NDUFAF2: variants seen among roughly 807,000 people sequenced by gnomAD.
NDUFAF2 encodes NADH dehydrogenase [ubiquinone] 1 alpha subcomplex assembly factor 2.
In NDUFAF2, 13 loss-of-function variants were observed where a neutral mutation model predicts 22.8. The ratio of observed to expected loss-of-function variants is 0.57; its 90% CI spans 0.37 to 0.91. The LOEUF is 0.91. Among genes scored for constraint, NDUFAF2 ranks in the 40% least tolerant of loss-of-function variants. NDUFAF2 has a pLI of 0.01. For missense variants in NDUFAF2, 162 were observed against 195.2 expected, an observed-to-expected ratio of 0.83 and a Z score of 1.01; for synonymous variants, 53 against 64.2, an observed-to-expected ratio of 0.83 and a Z score of 0.84.
intron 1 of NDUFAF2, among the ~76,000 whole-genome samples, chr5:61,056,919 A>AATATATATATATATATATATAT (rs1174310851): frequency 2.8e-4 from 8 of 28,796 alleles, no homozygotes; most frequent in African/African-American, 6.3e-4. Context: ...AAAAAAAAAA[A>AATATATATATATATATATATAT]ATATATATAT....
At chr5:61,019,299 C>T (rs1384853761) in intron 1 of NDUFAF2, among the ~76,000 whole-genome samples, 1 of 151,888 alleles carries the variant, frequency 6.6e-6, no homozygotes, top group Admixed American at 6.6e-5. Context: ...GGCAAGTAAA[C>T]CTGTTAGTGT....
At chr5:60,956,085 G>C (rs770304480) in intron 1 of NDUFAF2, among the ~76,000 whole-genome samples, 1 of 151,870 alleles carries the variant, frequency 6.6e-6, no homozygotes, top group African/African-American at 2.4e-5. Context: ...ATTTTTTGTA[G>C]AGATGAGATT....
intron 3 of NDUFAF2, among the ~76,000 whole-genome samples, chr5:61,125,972 A>G (rs78168586): frequency 1.8e-3 from 273 of 152,152 alleles, no homozygotes; most frequent in African/African-American, 6.0e-3. Flanking sequence ...TAGAAATTCA[A>G]TTATACAGAA....
chr5:60,947,808 T>G (rs911658777), intron 1 of NDUFAF2, among the ~76,000 whole-genome samples: 1 of 147,500 alleles, frequency 6.8e-6, no homozygotes, highest in African/African-American at 2.5e-5. Flanking sequence ...AACAAACAAA[T>G]ATATTTATAC....
chr5:61,099,354 C>G (rs530712833), intron 3 of NDUFAF2, among the ~76,000 whole-genome samples: 6 of 151,244 alleles, frequency 4.0e-5, no homozygotes, highest in Non-Finnish European at 1.5e-5. Flanking sequence ...TCCCCTGGGC[C>G]CTGGGGGTTC....
intron 2 of NDUFAF2, among the ~76,000 whole-genome samples, chr5:61,096,296 G>A (rs967386456): frequency 2.6e-5 from 4 of 152,046 alleles, no homozygotes; most frequent in African/African-American, 9.7e-5. Context: ...GACTCACAAG[G>A]GAGATTAAAA....
intron 1 of NDUFAF2, among the ~76,000 whole-genome samples, chr5:60,991,181 T>C (rs1243762129): frequency 6.6e-6 from 1 of 152,218 alleles, no homozygotes; most frequent in South Asian, 2.1e-4. Flanking sequence ...AAAAAATGTT[T>C]TTAAAAATGT....
At chr5:61,014,819 C>T (rs1326562200) in intron 1 of NDUFAF2, among the ~76,000 whole-genome samples, 2 of 152,108 alleles carry the variant, frequency 1.3e-5, no homozygotes, top group African/African-American at 2.4e-5. Context: ...AATTGTTACC[C>T]TTATTTGCAG....
At chr5:61,041,049 C>T (rs546593181) in intron 1 of NDUFAF2, among the ~76,000 whole-genome samples, 1 of 152,190 alleles carries the variant, frequency 6.6e-6, no homozygotes, top group East Asian at 1.9e-4. Flanking sequence ...AAAATTCTAT[C>T]CAAAGCACAG....
At chr5:61,133,055 G>A (rs1306005641) in intron 3 of NDUFAF2, among the ~76,000 whole-genome samples, 1 of 152,158 alleles carries the variant, frequency 6.6e-6, no homozygotes, top group Non-Finnish European at 1.5e-5. Context: ...CCTTCCCACA[G>A]TATCCTTGCC....
chr5:60,955,078 C>T (rs1375933632), intron 1 of NDUFAF2, among the ~76,000 whole-genome samples: 1 of 152,128 alleles, frequency 6.6e-6, no homozygotes, highest in Non-Finnish European at 1.5e-5. Context: ...TTGACGTAAT[C>T]AGACTTATCT....
chr5:60,973,791 A>T (rs879124187), intron 1 of NDUFAF2, among the ~76,000 whole-genome samples: 1 of 152,084 alleles, frequency 6.6e-6, no homozygotes, highest in African/African-American at 2.4e-5. Flanking sequence ...TTACAAAAGG[A>T]TGAACTTTTT....
intron 2 of NDUFAF2, among the ~76,000 whole-genome samples, chr5:61,098,329 A>G (rs1752668394): frequency 6.6e-6 from 1 of 152,224 alleles, no homozygotes; most frequent in East Asian, 1.9e-4. Flanking sequence ...TCTCATAAGC[A>G]CTATACTATA....
chr5:60,987,303 A>G (rs1308041180), intron 1 of NDUFAF2, among the ~76,000 whole-genome samples: 1 of 152,178 alleles, frequency 6.6e-6, no homozygotes, highest in East Asian at 1.9e-4. Context: ...CCAATCCCCC[A>G]TAAAAGCCCA....
rs142294041 is a variant in NDUFAF2 at position 61,106,085 on chromosome 5, T to C, written c.258+7053T>C. On this transcript the variant is annotated intron_variant, in intron 3 of 3. Transcript: ENST00000296597. ...AAGCAATTAGATGCTAACCAATAAA[T>C]ATAGAAGAAATAACAGAGTTGGAAA... Among the ~76,000 whole-genome samples, 684 of 151,488 alleles carry C rather than the reference T, an allele frequency of 4.5e-3. 39 individuals are homozygous for C. The highest frequency in any genetic ancestry group is 0.016 in the African/African-American group (661 of 40,868).
intron 3 of NDUFAF2, among the ~76,000 whole-genome samples, chr5:61,144,259 G>A (rs140973013): frequency 7.8e-4 from 118 of 152,090 alleles, no homozygotes; most frequent in African/African-American, 2.7e-3. Context: ...AGTTGACTAG[G>A]TTTGAGCCTT....
intron 2 of NDUFAF2, 38 bp from the exon 3 acceptor site, chr5:61,098,954 A>T (rs199532782): frequency 6.4e-6 from 10 of 1,553,142 alleles, no homozygotes; most frequent in Non-Finnish European, 8.8e-6. Context: ...TGTGTAAATT[A>T]TGGGAAACTG....
intron 1 of NDUFAF2, among the ~76,000 whole-genome samples, chr5:60,960,639 T>C (rs1271505573): frequency 1.3e-5 from 2 of 152,226 alleles, no homozygotes; most frequent in African/African-American, 4.8e-5. Flanking sequence ...TTGGTAGAGA[T>C]AGTATCTTCA....
At chr5:61,138,884 T>G (rs1294244469) in intron 3 of NDUFAF2, among the ~76,000 whole-genome samples, 2 of 152,208 alleles carry the variant, frequency 1.3e-5, no homozygotes, top group Non-Finnish European at 2.9e-5. Flanking sequence ...TAAGGCATCT[T>G]TGGACATATT....
Sources: gnomAD v4.1 joint callset for allele counts (sites outside exome capture counted in the v4.1 genomes callset) on GRCh38, gnomAD v4.1.1 for gene constraint, MANE v1.5 for transcripts, NCBI Gene and HGNC (gene_info 2026-07-23, HGNC 2026-07-21) for gene names.